The following GIN1 variants were observed in gnomAD, a reference collection of about 807,000 sequenced individuals.
The protein encoded by GIN1 is gypsy retrotransposon integrase-like protein 1.
A neutral mutation model predicts 51.4 loss-of-function variants in GIN1; 41 were observed. The ratio of observed to expected loss-of-function variants is 0.80; its 90% CI spans 0.62 to 1.04. The LOEUF (loss-of-function observed/expected upper bound fraction) is 1.04. Ranked by LOEUF, GIN1 falls within the 50% of genes least tolerant of loss-of-function variation. The pLI is 0.00. For missense variants in GIN1, 610 were observed against 612.4 expected, an observed-to-expected ratio of 1.00 and a Z score of 0.04; for synonymous variants, 222 against 206.5, an observed-to-expected ratio of 1.07 and a Z score of -0.64.
intron 1 of GIN1, among the ~76,000 whole-genome samples, chr5:103,118,176 T>C (rs9327879): frequency 0.019 from 2,931 of 152,260 alleles, 106 homozygotes; most frequent in African/African-American, 0.067. Flanking sequence ...AGAGGTAAAT[T>C]ATTTCACTTT....
In GIN1 at chr5:103,097,361, T is replaced by C; in HGVS notation, c.961A>G (p.Lys321Glu). 1 of 1,600,116 alleles carries C rather than the reference T, an allele frequency of 6.2e-7. No homozygotes were observed. Among genetic ancestry groups the C allele is most frequent in the Non-Finnish European group, 8.6e-7 (1 of 1,167,900 alleles). ...TTCTCCATTATTTTATCAGCTTCTT[T>C]AATTGCATCTAGAATTTTGGCAAAC... is the stretch of plus-strand genomic sequence containing the variant. ...SMFAKILDAI[K>E]EADKIMENKT... is the part of the protein sequence containing the mutation. The change falls in exon 6 of 8, where the codon AAA becomes GAA. Residue 321 changes from lysine (K) to glutamate (E), a missense_variant. Transcript: ENST00000399004.
chr5:103,093,859 A>G, intron 7 of GIN1, among the ~76,000 whole-genome samples: 1 of 152,250 alleles, frequency 6.6e-6, no homozygotes, highest in East Asian at 1.9e-4. Flanking sequence ...ACAAAAAAAC[A>G]AACAGGCCTG....
intron 7 of GIN1, among the ~76,000 whole-genome samples, chr5:103,095,785 A>G (rs1248818683): frequency 6.6e-6 from 1 of 152,102 alleles, no homozygotes; most frequent in African/African-American, 2.4e-5. Flanking sequence ...TTAGCTGGGC[A>G]TGGTGGCATG....
rs1440999263 is a variant in GIN1, at chr5:103,086,776, G to C, written c.*1122C>G. 6.6e-6 allele frequency: 1 copy of C among 152,186 alleles called. No individual in the cohort carries two copies. The highest frequency in any genetic ancestry group is 1.5e-5 in the Non-Finnish European group (1 of 68,044). The allele number at this position is 152,186 out of a possible 1,614,324, so 9.4% of individuals were successfully genotyped here. Reference sequence around the variant, plus strand: ...TACATAGTTTATTACCTACCAGACAGTAAGTCCTTTATAAGAATGAGGTAC... The same window carrying C: ...TACATAGTTTATTACCTACCAGACACTAAGTCCTTTATAAGAATGAGGTAC... On this transcript the variant is annotated 3_prime_UTR_variant, in exon 8 of 8. Coordinates refer to ENST00000399004, the MANE Select transcript of GIN1 (RefSeq NM_017676.2).
intron 1 of GIN1, among the ~76,000 whole-genome samples, chr5:103,110,206 A>G (rs1000707441): frequency 2.0e-5 from 3 of 152,066 alleles, no homozygotes; most frequent in Non-Finnish European, 4.4e-5. Flanking sequence ...GACACAAAAA[A>G]AAAACACTAT....
chr5:103,102,084 T>G (rs1554195850), intron 4 of GIN1, among the ~76,000 whole-genome samples: 1 of 152,222 alleles, frequency 6.6e-6, no homozygotes, highest in East Asian at 1.9e-4. Flanking sequence ...TATACCACTA[T>G]TCCTAGGTTT....
In GIN1 at chr5:103,087,377, A is replaced by G. The variant is rs1263731387; in HGVS notation, c.*521T>C. ...CCTGACCCTATCTAACCAATTAGAT[A>G]ATTTGAAATTACCAATATTCTGTGA... On this transcript the variant is annotated 3_prime_UTR_variant, in exon 8 of 8. Coordinates refer to ENST00000399004, the MANE Select transcript of GIN1 (RefSeq NM_017676.2). The G allele has an allele frequency of 6.6e-6, 1 of 152,286 alleles. No individual in the cohort carries two copies. The highest frequency in any genetic ancestry group is 2.4e-5 in the African/African-American group (1 of 41,470). 9.4% of individuals were successfully genotyped at this position (152,286 alleles called of 1,614,324 possible). A position where few individuals can be genotyped will look rare whatever the true frequency, so the allele number is the denominator to read the frequency against.
intron 4 of GIN1, among the ~76,000 whole-genome samples, chr5:103,103,691 G>C (rs1014332150): frequency 2.0e-5 from 3 of 152,182 alleles, no homozygotes; most frequent in African/African-American, 7.2e-5. Context: ...CAGAGCAAGG[G>C]AGAAAGTACC....
intron 1 of GIN1, among the ~76,000 whole-genome samples, chr5:103,116,462 G>A (rs539571758): frequency 6.6e-6 from 1 of 152,196 alleles, no homozygotes; most frequent in East Asian, 1.9e-4. Context: ...CAAATGATAT[G>A]TAAAAATTAA....
intron 1 of GIN1, among the ~76,000 whole-genome samples, chr5:103,115,950 C>T (rs984168413): frequency 2.0e-5 from 3 of 152,044 alleles, no homozygotes; most frequent in Admixed American, 2.0e-4. Flanking sequence ...AAAATTATTT[C>T]TTTCTGAAAT....
At chr5:103,091,393 G>T (rs1160676321) in intron 7 of GIN1, among the ~76,000 whole-genome samples, 1 of 152,122 alleles carries the variant, frequency 6.6e-6, no homozygotes, top group Non-Finnish European at 1.5e-5. Context: ...ATACAGAAAA[G>T]AATATGATTA....
intron 1 of GIN1, among the ~76,000 whole-genome samples, chr5:103,109,411 C>T (rs1168613205): frequency 9.2e-5 from 14 of 152,084 alleles, no homozygotes; most frequent in Admixed American, 9.2e-4. Context: ...AGAGTATTTA[C>T]TGGAAAGAGA....
chr5:103,110,807 C>T (rs1554196843), intron 1 of GIN1, among the ~76,000 whole-genome samples: 2 of 152,050 alleles, frequency 1.3e-5, no homozygotes, highest in Non-Finnish European at 1.5e-5. Context: ...TCATAATAGC[C>T]ACTAAATGGA....
Position 103,097,490 on chromosome 5 carries a change from C to T in GIN1, c.832G>A (p.Glu278Lys). 1 of 1,531,020 alleles carries T rather than the reference C, an allele frequency of 6.5e-7. No homozygotes were observed. Among genetic ancestry groups the T allele is most frequent in the Non-Finnish European group, 9.0e-7 (1 of 1,115,856 alleles). 94.8% of individuals were successfully genotyped at this position (1,531,020 alleles called of 1,614,324 possible). ...AAATATGGTGTATTTTTAGTAGGTT[C>T]CTATTTTAAAGAAAATAAACGTCAA... Reference protein sequence around the residue: ...VSFAFNVTHLEPTKNTPYFQM... With the variant: ...VSFAFNVTHLKPTKNTPYFQM... Residue 278 changes from glutamate to lysine, a missense_variant and splice_region_variant, in exon 6 of 8, where the codon GAA becomes AAA. Physicochemically the swap from Glu to Lys is moderately conservative, Grantham distance 56 (BLOSUM62 1). Coordinates refer to ENST00000399004, the MANE Select transcript of GIN1 (RefSeq NM_017676.2).
chr5:103,106,838 T>C lies in GIN1; in HGVS notation c.211A>G (p.Lys71Glu), dbSNP rs1787739840. The C allele has an allele frequency of 6.2e-7, 1 of 1,603,922 alleles. No homozygotes were observed. Among genetic ancestry groups the C allele is most frequent in the African/African-American group, 1.3e-5 (1 of 74,516 alleles). The change falls in exon 3 of 8, where the codon AAG becomes GAG. Residue 71 changes from lysine (K) to glutamate (E), a missense_variant. Coordinates refer to ENST00000399004, the MANE Select transcript of GIN1 (RefSeq NM_017676.2). ...TCATGGCATTCTCTTAAGACTTTCT[T>C]TTTTTCCTCTTCTGAAACAATTACC... ...RLVIVSEEEK[K>E]KVLRECHEND... is the part of the protein sequence containing the mutation.
At chr5:103,109,780 C>A (rs1170962992) in intron 1 of GIN1, among the ~76,000 whole-genome samples, 2 of 151,994 alleles carry the variant, frequency 1.3e-5, no homozygotes, top group Non-Finnish European at 2.9e-5. Context: ...CCAAACCAAA[C>A]AAATGCAGCC....
intron 7 of GIN1, among the ~76,000 whole-genome samples, chr5:103,093,711 T>G (rs1363176): frequency 0.046 from 7,012 of 152,198 alleles, 541 homozygotes; most frequent in African/African-American, 0.16. Flanking sequence ...ACAAACAAAA[T>G]AAATTCAAAA....
At position 103,104,769 on chromosome 5, in the gene GIN1, T is replaced by C. The variant is rs1554196110; in HGVS notation, c.411A>G (p.Glu137=). 1 of 1,612,314 alleles carries C rather than the reference T, an allele frequency of 6.2e-7. No individual in the cohort carries two copies. Among genetic ancestry groups the C allele is most frequent in the Non-Finnish European group, 8.5e-7 (1 of 1,178,482 alleles). ...CAACAGTAACTAAACTCCATGGATT[T>C]TCCACCTTGAGAAGGTGCTGTTTCG... ...VAPKQHLLKV[E]NPWSLVTVDL... is the part of the protein sequence containing the mutation. Residue 137 remains glutamate (E), a synonymous_variant, in exon 4 of 8, where the codon GAA becomes GAG. Coordinates refer to ENST00000399004, the MANE Select transcript of GIN1 (RefSeq NM_017676.2).
At position 103,088,100 on chromosome 5, in the gene GIN1, C is replaced by G. The variant is rs782431836; in HGVS notation, c.1367G>C (p.Gly456Ala). The G allele has an allele frequency of 6.2e-7, 1 of 1,608,244 alleles. No individual in the cohort carries two copies. Among genetic ancestry groups the G allele is most frequent in the South Asian group, 1.1e-5 (1 of 90,870 alleles). The change falls in exon 8 of 8, where the codon GGA (glycine) becomes GCA (alanine). Residue 456 changes from glycine (G) to alanine (A), a missense_variant. Physicochemically the swap from Gly to Ala is moderately conservative, Grantham distance 60. Coordinates refer to ENST00000399004, the MANE Select transcript of GIN1 (RefSeq NM_017676.2). Reference protein sequence around the residue: ...DYIGLPEIPIGAYQANILVED... With the variant: ...DYIGLPEIPIAAYQANILVED... ...CACCAGAATATTTGCTTGATATGCTCCAATCGGAATTTCAGGCAATCCAAT... is the reference window on the plus strand; with the variant it reads ...CACCAGAATATTTGCTTGATATGCTGCAATCGGAATTTCAGGCAATCCAAT...
Sources: allele counts gnomAD v4.1 joint callset (sites outside exome capture counted in the v4.1 genomes callset), GRCh38; gene constraint gnomAD v4.1.1; transcripts MANE v1.5; gene names NCBI Gene and HGNC (gene_info 2026-07-23, HGNC 2026-07-21).